The following HDAC9 variants were observed in gnomAD, a reference collection of about 807,000 sequenced individuals.
HDAC9 encodes the protein histone deacetylase 9, also known as MEF-2 interacting transcription repressor (MITR) protein.
Under a neutral mutation model 139.4 loss-of-function variants are expected in HDAC9, and 41 were observed. That is an observed-to-expected ratio of 0.29 (90% CI 0.23 to 0.38). The LOEUF is 0.38. HDAC9 is among the 10% of genes least tolerant of loss of function. HDAC9 has a pLI of 1.00. For missense variants in HDAC9, 1,147 were observed against 1,297.0 expected, an observed-to-expected ratio of 0.88 and a Z score of 1.78; for synonymous variants, 517 against 476.2, an observed-to-expected ratio of 1.09 and a Z score of -1.12.
intron 23 of HDAC9, among the ~76,000 whole-genome samples, chr7:18,940,239 A>G (rs1271518199): frequency 6.6e-6 from 1 of 152,168 alleles, no homozygotes; most frequent in Non-Finnish European, 1.5e-5. Context: ...TTGCACCCAA[A>G]ACATGCATTT....
intron 1 of HDAC9, among the ~76,000 whole-genome samples, chr7:18,099,659 A>G (rs2128069142): frequency 6.6e-6 from 1 of 152,320 alleles, no homozygotes; most frequent in Middle Eastern, 3.4e-3. Flanking sequence ...CAAGTGGGAA[A>G]GTGTAGGCCA....
intron 24 of HDAC9, 78 bp from the exon 25 acceptor site, chr7:18,975,728 A>G: frequency 1.5e-6 from 2 of 1,366,862 alleles, no homozygotes; most frequent in Non-Finnish European, 2.1e-6. Flanking sequence ...AACTGCTCTG[A>G]GTTGGACGTA....
intron 1 of HDAC9, among the ~76,000 whole-genome samples, chr7:18,113,159 G>A (rs918666472): frequency 3.9e-5 from 6 of 152,134 alleles, no homozygotes; most frequent in Non-Finnish European, 7.3e-5. Context: ...TTAAAATCAC[G>A]TACATCAGTG....
At chr7:18,900,707 AT>A (rs1383881104) in intron 22 of HDAC9, among the ~76,000 whole-genome samples, 1 of 152,114 alleles carries the variant, frequency 6.6e-6, no homozygotes, top group Non-Finnish European at 1.5e-5. Context: ...TAAAAACATA[AT>A]GGGCTGTTTA....
intron 5 of HDAC9, among the ~76,000 whole-genome samples, chr7:18,592,049 A>G (rs1301043690): frequency 1.3e-5 from 2 of 152,162 alleles, no homozygotes; most frequent in Non-Finnish European, 2.9e-5. Flanking sequence ...CAAAAGGTTT[A>G]GCAGATTGTG....
At chr7:18,990,717 C>T (rs1214777439) in intron 25 of HDAC9, among the ~76,000 whole-genome samples, 3 of 152,244 alleles carry the variant, frequency 2.0e-5, no homozygotes, top group African/African-American at 4.8e-5. Flanking sequence ...GGGCGTAGGA[C>T]CCTCCGAGCC....
At chr7:18,985,686 A>G (rs1785290158) in intron 25 of HDAC9, among the ~76,000 whole-genome samples, 1 of 145,466 alleles carries the variant, frequency 6.9e-6, no homozygotes. Flanking sequence ...AGTCCCACCA[A>G]CAGTGTAAAA....
intron 22 of HDAC9, among the ~76,000 whole-genome samples, chr7:18,896,077 A>G (rs966069567): frequency 6.6e-6 from 1 of 152,080 alleles, no homozygotes; most frequent in African/African-American, 2.4e-5. Context: ...TACTTTTCCT[A>G]ATGTACATTA....
chr7:18,929,963 A>G (rs371489476), intron 22 of HDAC9, among the ~76,000 whole-genome samples: 17 of 152,080 alleles, frequency 1.1e-4, no homozygotes, highest in African/African-American at 4.1e-4. Flanking sequence ...CTGAAACAAT[A>G]TGATTTCTTA....
intron 1 of HDAC9, among the ~76,000 whole-genome samples, chr7:18,091,765 C>G (rs74537827): frequency 1.4e-3 from 216 of 152,316 alleles, no homozygotes; most frequent in African/African-American, 4.9e-3. Context: ...GATCCACTTT[C>G]AAGCTCTTTT....
In HDAC9 at chr7:18,102,592, G is replaced by A. The variant is rs943769886; in HGVS notation, c.-97+15379G>A. On this transcript the variant is annotated intron_variant, in intron 1 of 12. Transcript: ENST00000417496. ...TTTAAGAATAGAATCTTGAAAAAGC[G>A]AATACTACTCTGTGAGGGAGACTGT... Among the ~76,000 whole-genome samples the A allele has an allele frequency of 1.5e-4, 23 of 152,204 alleles. No homozygotes were observed. The South Asian group carries it at 2.5e-3, about 17-fold the overall frequency.
intron 1 of HDAC9, among the ~76,000 whole-genome samples, chr7:18,087,421 G>A (rs1021995013): frequency 2.0e-5 from 3 of 152,218 alleles, no homozygotes; most frequent in Non-Finnish European, 2.9e-5. Context: ...GAAGTTGGGT[G>A]CTAGGTCATC....
chr7:18,244,642 C>CA (rs1386015501), intron 2 of HDAC9, among the ~76,000 whole-genome samples: 1 of 151,978 alleles, frequency 6.6e-6, no homozygotes, highest in Non-Finnish European at 1.5e-5. Flanking sequence ...ACTAAAAATA[C>CA]AAAAAATTAT....
chr7:18,835,438 A>G lies in HDAC9; in HGVS notation c.2467-29A>G, dbSNP rs762328652. Reference sequence around the variant, plus strand: ...TCCACACAAAGTTAGACATGACTGTATTTGTCGTCTGTTTTCATTTCCCTG... The same window carrying G: ...TCCACACAAAGTTAGACATGACTGTGTTTGTCGTCTGTTTTCATTTCCCTG... On this transcript the variant is annotated intron_variant, in intron 19 of 25. Coordinates refer to ENST00000686413, the MANE Select transcript of HDAC9 (RefSeq NM_178425.4). 1.6e-5 allele frequency: 25 copies of G among 1,602,738 alleles called. No individual in the cohort carries two copies. In the South Asian group the frequency reaches 2.1e-4, roughly 14 times the overall value.
At chr7:18,303,503 T>C (rs1798707720) in intron 1 of HDAC9, among the ~76,000 whole-genome samples, 1 of 151,840 alleles carries the variant, frequency 6.6e-6, no homozygotes, top group Non-Finnish European at 1.5e-5. Context: ...CACCTCGGGC[T>C]CCCAAAGTGC....
At chr7:18,788,060 A>T (rs1791970946) in intron 16 of HDAC9, among the ~76,000 whole-genome samples, 1 of 152,094 alleles carries the variant, frequency 6.6e-6, no homozygotes. Context: ...TCCTCTGAAC[A>T]CTCAGGGTTC....
At chr7:18,090,207 T>C (rs1432607585) in intron 1 of HDAC9, among the ~76,000 whole-genome samples, 1 of 152,216 alleles carries the variant, frequency 6.6e-6, no homozygotes, top group African/African-American at 2.4e-5. Flanking sequence ...AGTGTGAAGC[T>C]GAGCTTAACA....
chr7:18,466,158 G>A (rs992247243), intron 1 of HDAC9, among the ~76,000 whole-genome samples: 1 of 152,064 alleles, frequency 6.6e-6, no homozygotes, highest in Non-Finnish European at 1.5e-5. Flanking sequence ...AGCTTCTTGA[G>A]GTTACTCACC....
intron 2 of HDAC9, among the ~76,000 whole-genome samples, chr7:18,199,295 A>G (rs1400481649): frequency 6.6e-6 from 1 of 152,086 alleles, no homozygotes; most frequent in Non-Finnish European, 1.5e-5. Flanking sequence ...TTTTCCACAG[A>G]TCCCAATTTC....
Sources: gnomAD v4.1 joint callset for allele counts (sites outside exome capture counted in the v4.1 genomes callset) on GRCh38, gnomAD v4.1.1 for gene constraint, MANE v1.5 for transcripts, NCBI Gene and HGNC (gene_info 2026-07-23, HGNC 2026-07-21) for gene names.